Variants in DLC1 observed in about 807,000 individuals in gnomAD.
DLC1 encodes the protein rho GTPase-activating protein 7.
Under a neutral mutation model 140.3 loss-of-function variants are expected in DLC1, and 54 were observed. The ratio of observed to expected loss-of-function variants is 0.38; its 90% confidence interval spans 0.31 to 0.48. DLC1 has a LOEUF of 0.48. Among genes scored for constraint, DLC1 ranks in the 20% least tolerant of loss-of-function variants. The pLI, the probability that DLC1 is intolerant of heterozygous loss-of-function variation, is 0.96. For synonymous variants in DLC1, 986 were observed against 728.1 expected (o/e 1.35, Z -5.70); for missense variants, 2,536 against 1,907.0 (o/e 1.33, Z -6.14).
chr8:13,602,337 C>T (rs1414512329), intron 1 of DLC1, among the ~76,000 whole-genome samples: 1 of 151,492 alleles, frequency 6.6e-6, no homozygotes, highest in Non-Finnish European at 1.5e-5. Flanking sequence ...AAATAAATAC[C>T]AAAAAAGACA....
chr8:13,361,802 C>G (rs188008736), intron 4 of DLC1, among the ~76,000 whole-genome samples: 1 of 152,152 alleles, frequency 6.6e-6, no homozygotes, highest in Non-Finnish European at 1.5e-5. Flanking sequence ...CTGAAAAGGG[C>G]TGACAGTAGG....
rs113037309 is a variant in DLC1 at position 13,446,134 on chromosome 8, C to T, written c.1024-44515G>A. Among the ~76,000 whole-genome samples the T allele has an allele frequency of 3.8e-3, 580 of 152,208 alleles. 4 individuals are homozygous for T. Among genetic ancestry groups the T allele is most frequent in the African/African-American group, 0.013 (547 of 41,520 alleles). The stretch of plus-strand genomic sequence containing the variant: ...ACATCAAGACAAAGAACTCTCCCCC[C>T]CTCTGTGTTCCTTTGTTTAACTAGA... On this transcript the variant is annotated intron_variant, in intron 2 of 17. Transcript: ENST00000276297.
chr8:13,148,276 C>G (rs535628454), intron 5 of DLC1, among the ~76,000 whole-genome samples: 1 of 152,242 alleles, frequency 6.6e-6, no homozygotes, highest in South Asian at 2.1e-4. Flanking sequence ...CTGCTCCTCT[C>G]CCTCCTCCTA....
chr8:13,501,274 A>G (rs1005689576), intron 1 of DLC1, among the ~76,000 whole-genome samples: 3 of 152,196 alleles, frequency 2.0e-5, no homozygotes, highest in Admixed American at 6.5e-5. Context: ...ATACAAACAC[A>G]TACCAGGTAC....
chr8:13,455,583 C>G (rs28649074), intron 2 of DLC1, among the ~76,000 whole-genome samples: 4,442 of 152,314 alleles, frequency 0.029, 90 homozygotes, highest in African/African-American at 0.054. Context: ...TCTCCCTTAT[C>G]TCTTTCAGTC....
At chr8:13,262,378 G>A (rs1447226416) in intron 5 of DLC1, among the ~76,000 whole-genome samples, 3 of 151,904 alleles carry the variant, frequency 2.0e-5, no homozygotes, top group Non-Finnish European at 1.5e-5. Flanking sequence ...TGATCCTAAG[G>A]AAAACTCTCA....
intron 5 of DLC1, among the ~76,000 whole-genome samples, chr8:13,130,167 T>A (rs1821959652): frequency 2.0e-5 from 3 of 152,186 alleles, no homozygotes; most frequent in Admixed American, 2.0e-4. Context: ...AAACATTGCG[T>A]CATGGCTTAA....
chr8:13,219,158 A>G (rs866043606), intron 5 of DLC1, among the ~76,000 whole-genome samples: 1 of 45,838 alleles, frequency 2.2e-5, no homozygotes, highest in African/African-American at 1.0e-4. Context: ...ATATAATTAT[A>G]TGAATATAAC....
chr8:13,584,754 G>C (rs751949475), intron 1 of DLC1, among the ~76,000 whole-genome samples: 1 of 152,076 alleles, frequency 6.6e-6, no homozygotes, highest in African/African-American at 2.4e-5. Flanking sequence ...GGCAACTTTC[G>C]CTCAAAAACT....
intron 1 of DLC1, among the ~76,000 whole-genome samples, chr8:13,509,651 A>G (rs1322171318): frequency 6.6e-6 from 1 of 152,204 alleles, no homozygotes; most frequent in Non-Finnish European, 1.5e-5. Context: ...CTCCTTTAGC[A>G]GTAATACAAA....
chr8:13,190,530 A>G (rs565766285), intron 5 of DLC1, among the ~76,000 whole-genome samples: 2 of 152,334 alleles, frequency 1.3e-5, no homozygotes, highest in East Asian at 3.9e-4. Flanking sequence ...TGCTGAAACA[A>G]TGAATTATAC....
At chr8:13,219,385 T>TTTCATATAATTATACTTATATAA (rs1563174754) in intron 5 of DLC1, among the ~76,000 whole-genome samples, 26 of 124,752 alleles carry the variant, frequency 2.1e-4, no homozygotes, top group Non-Finnish European at 3.0e-4. Context: ...TATAATTATA[T>TTTCATATAATTATACTTATATAA]TTCATATAAT....
At chr8:13,332,500 G>A (rs1213923038) in intron 4 of DLC1, among the ~76,000 whole-genome samples, 7 of 150,128 alleles carry the variant, frequency 4.7e-5, no homozygotes, top group South Asian at 4.2e-4. Flanking sequence ...GCACGATCTC[G>A]GCTCATTGCA....
intron 5 of DLC1, chr8:13,214,684 G>A: frequency 1.3e-6 from 1 of 780,576 alleles, no homozygotes; most frequent in Non-Finnish European, 2.4e-6. Context: ...AAAGGTGTAA[G>A]GAGACAAACC....
intron 4 of DLC1, chr8:13,341,353 T>C (rs1834038043): frequency 6.6e-6 from 1 of 152,158 alleles, no homozygotes. Flanking sequence ...GGAACGGACA[T>C]GTGCTATGCC....
At chr8:13,548,155 A>G (rs1294116649) in intron 1 of DLC1, among the ~76,000 whole-genome samples, 1 of 152,072 alleles carries the variant, frequency 6.6e-6, no homozygotes, top group Non-Finnish European at 1.5e-5. Context: ...TGTTTGTTCT[A>G]GCACATAGTA....
chr8:13,567,212 T>G, intron 1 of DLC1: 2 of 1,551,600 alleles, frequency 1.3e-6, no homozygotes, highest in Non-Finnish European at 8.7e-7. Flanking sequence ...TCTGAGCTTT[T>G]GGACTATAAA....
intron 1 of DLC1, among the ~76,000 whole-genome samples, chr8:13,576,936 C>T (rs1257832702): frequency 6.6e-6 from 1 of 151,890 alleles, no homozygotes; most frequent in South Asian, 2.1e-4. Flanking sequence ...TTAGTAATAT[C>T]TCTGACTGCA....
At chr8:13,245,593 G>A (rs1585994297) in intron 5 of DLC1, among the ~76,000 whole-genome samples, 1 of 152,066 alleles carries the variant, frequency 6.6e-6, no homozygotes, top group Admixed American at 6.6e-5. Context: ...CTTTGTCTCA[G>A]GGACTTTTCT....
Sources: allele counts gnomAD v4.1 joint callset (sites outside exome capture counted in the v4.1 genomes callset), GRCh38; gene constraint gnomAD v4.1.1; transcripts MANE v1.5; gene names NCBI Gene and HGNC (gene_info 2026-07-23, HGNC 2026-07-21).